The following SYNE2 variants were observed in gnomAD, a reference collection of about 807,000 sequenced individuals.
SYNE2 encodes the protein spectrin repeat containing nuclear envelope protein 2, also known as nesprin-2.
Under a neutral mutation model 856.3 loss-of-function variants are expected in SYNE2, and 431 were observed. The observed-to-expected ratio is 0.50, with a 90% confidence interval of 0.47 to 0.55. The LOEUF (loss-of-function observed/expected upper bound fraction) is 0.55, where lower values mean the gene tolerates loss of function less well. Ranked by LOEUF, SYNE2 falls within the 20% of genes least tolerant of loss-of-function variation. The pLI is 0.00. For missense variants in SYNE2, 8,129 were observed against 8,023.2 expected (o/e 1.01, Z -0.50); for synonymous variants, 2,923 against 2,872.3 (o/e 1.02, Z -0.56).
rs553804225 is a variant in SYNE2, at chr14:63,900,569, C to T, written c.-51-8529C>T. Among the ~76,000 whole-genome samples, 7 of 152,204 alleles carry T rather than the reference C, an allele frequency of 4.6e-5. No homozygotes were observed. The South Asian group carries it at 6.2e-4, about 14-fold the overall frequency. The stretch of plus-strand genomic sequence containing the variant: ...CCCCCACTAGGTTCCTCCCATGACA[C>T]GTGGGAATTGTGGGAGTTAAAATTC... On this transcript the variant is annotated intron_variant, in intron 1 of 115. Transcript: ENST00000555002.
intron 8 of SYNE2, chr14:63,956,570 T>G (rs1427478915): frequency 7.4e-6 from 3 of 404,964 alleles, no homozygotes; most frequent in African/African-American, 4.2e-5. Context: ...TAAGAGATAA[T>G]TCACATACCA....
At chr14:64,010,419 A>G (rs554582622) in intron 32 of SYNE2, among the ~76,000 whole-genome samples, 1 of 152,300 alleles carries the variant, frequency 6.6e-6, no homozygotes, top group African/African-American at 2.4e-5. Context: ...TCTGTTTACA[A>G]GGAACCTGAC....
intron 2 of SYNE2, among the ~76,000 whole-genome samples, chr14:63,929,600 G>A (rs1032170999): frequency 3.3e-5 from 5 of 151,832 alleles, no homozygotes; most frequent in Admixed American, 2.6e-4. Context: ...GTGAAACCCC[G>A]TCTCTACTAA....
At chr14:64,197,873 A>G (rs1037863000) in intron 99 of SYNE2, among the ~76,000 whole-genome samples, 1 of 152,220 alleles carries the variant, frequency 6.6e-6, no homozygotes, top group Non-Finnish European at 1.5e-5. Context: ...TTAAAAGAAA[A>G]ACTTTATTTG....
chr14:63,996,138 T>C (rs959538442), intron 23 of SYNE2, among the ~76,000 whole-genome samples: 10 of 152,206 alleles, frequency 6.6e-5, no homozygotes, highest in African/African-American at 2.4e-4. Flanking sequence ...GTTCATTTTA[T>C]ATTCTGCCTA....
intron 96 of SYNE2, among the ~76,000 whole-genome samples, chr14:64,180,902 T>C (rs1025721356): frequency 6.6e-6 from 1 of 152,228 alleles, no homozygotes; most frequent in Non-Finnish European, 1.5e-5. Context: ...ACTGCCTTTT[T>C]CTAATTATAT....
At chr14:63,795,910 C>T (rs1452367757) in intron 1 of SYNE2, among the ~76,000 whole-genome samples, 1 of 152,148 alleles carries the variant, frequency 6.6e-6, no homozygotes, top group Non-Finnish European at 1.5e-5. Context: ...AATTGCATTA[C>T]ATTAAATGTT....
At chr14:64,153,714 G>A (rs1420765092) in intron 85 of SYNE2, among the ~76,000 whole-genome samples, 1 of 152,012 alleles carries the variant, frequency 6.6e-6, no homozygotes, top group Non-Finnish European at 1.5e-5. Flanking sequence ...AGAACTCATA[G>A]GCTAGTGGAA....
At chr14:64,016,670 T>G (rs773880756) in intron 33 of SYNE2, 39 bp downstream of exon 33, 2 of 1,394,314 alleles carry the variant, frequency 1.4e-6, no homozygotes, top group Admixed American at 3.5e-5. Flanking sequence ...TTAATTTTGT[T>G]TCCAATATTT....
intron 1 of SYNE2, among the ~76,000 whole-genome samples, chr14:63,765,749 AT>A (rs1886656204): frequency 6.6e-6 from 1 of 152,232 alleles, no homozygotes; most frequent in African/African-American, 2.4e-5. Context: ...AATTTGAAAA[AT>A]AATGTCTTCT....
chr14:64,225,888 A>C lies in SYNE2; in HGVS notation c.*362A>C. 4.0e-6 allele frequency: 2 copies of C among 502,502 alleles called. No homozygotes were observed. Among genetic ancestry groups the C allele is most frequent in the Non-Finnish European group, 7.1e-6 (2 of 281,392 alleles). The allele number at this position is 502,502 out of a possible 1,614,324, so 31.1% of individuals were successfully genotyped here. ...TGGTCAATGAGCAGTGGTGTCCATCACATATATTATAGAAGCAAGCGAGGA... is the reference window on the plus strand; with the variant it reads ...TGGTCAATGAGCAGTGGTGTCCATCCCATATATTATAGAAGCAAGCGAGGA... On this transcript the variant is annotated 3_prime_UTR_variant, in exon 116 of 116. Transcript: ENST00000555002.
At chr14:64,140,775 A>G (rs1361707285) in intron 80 of SYNE2, among the ~76,000 whole-genome samples, 1 of 152,188 alleles carries the variant, frequency 6.6e-6, no homozygotes, top group Non-Finnish European at 1.5e-5. Flanking sequence ...TTGGAAAAAA[A>G]TTCAAAAATA....
At chr14:63,882,625 TG>T (rs1424707034) in intron 1 of SYNE2, among the ~76,000 whole-genome samples, 1 of 151,742 alleles carries the variant, frequency 6.6e-6, no homozygotes, top group African/African-American at 2.4e-5. Context: ...CTTGGGAGGC[TG>T]AGGTGGGAGG....
chr14:63,971,422 T>A (rs1456890032), intron 11 of SYNE2, among the ~76,000 whole-genome samples: 1 of 151,624 alleles, frequency 6.6e-6, no homozygotes, highest in Non-Finnish European at 1.5e-5. Context: ...ACCCTTAGAG[T>A]TGTACAATAT....
chr14:63,797,699 C>G (rs1328859489), intron 1 of SYNE2, among the ~76,000 whole-genome samples: 1 of 152,248 alleles, frequency 6.6e-6, no homozygotes, highest in Non-Finnish European at 1.5e-5. Context: ...GCCTTGGCCT[C>G]CCAAAGCGAT....
At chr14:63,943,894 C>T (rs1020487314) in intron 6 of SYNE2, among the ~76,000 whole-genome samples, 1 of 151,868 alleles carries the variant, frequency 6.6e-6, no homozygotes, top group Admixed American at 6.5e-5. Flanking sequence ...TGGTATTGAA[C>T]TCCTGACCTT....
upstream of SYNE2, among the ~76,000 whole-genome samples, chr14:63,850,069 T>C (rs1340940702): frequency 2.8e-5 from 4 of 142,268 alleles, no homozygotes; most frequent in African/African-American, 1.0e-4. Context: ...GGGCATAATA[T>C]GACAACATAC....
At chr14:64,202,125 C>T (rs1233510118) in intron 99 of SYNE2, 9 of 696,660 alleles carry the variant, frequency 1.3e-5, no homozygotes, top group South Asian at 8.9e-5. Flanking sequence ...GGCAGACTGG[C>T]GAGGGAGATC....
chr14:63,828,014 G>A (rs372848259), intron 1 of SYNE2, among the ~76,000 whole-genome samples: 121 of 146,522 alleles, frequency 8.3e-4, no homozygotes, highest in African/African-American at 2.8e-3. Context: ...GCAACAAGGC[G>A]AGTCTTCGTC....
Sources: gnomAD v4.1 joint callset for allele counts (sites outside exome capture counted in the v4.1 genomes callset) on GRCh38, gnomAD v4.1.1 for gene constraint, MANE v1.5 for transcripts, NCBI Gene and HGNC (gene_info 2026-07-23, HGNC 2026-07-21) for gene names.